Variants in MMS22L observed in about 807,000 individuals in gnomAD.
MMS22L encodes MMS22 like, DNA repair protein, also known as protein MMS22-like.
A neutral mutation model predicts 159.1 loss-of-function variants in MMS22L; 74 were observed. The observed-to-expected ratio is 0.47, with a 90% CI of 0.39 to 0.56. The LOEUF (loss-of-function observed/expected upper bound fraction) is 0.56, where lower values mean the gene tolerates loss of function less well. Ranked by LOEUF, MMS22L falls within the 20% of genes least tolerant of loss-of-function variation. The pLI, the probability that MMS22L is intolerant of heterozygous loss-of-function variation, is 0.00. For synonymous variants in MMS22L, 517 were observed against 506.9 expected (o/e 1.02, Z -0.27); for missense variants, 1,351 against 1,422.1 (o/e 0.95, Z 0.80).
chr6:97,224,568 A>T (rs181783180), intron 14 of MMS22L, among the ~76,000 whole-genome samples: 1 of 151,772 alleles, frequency 6.6e-6, no homozygotes, highest in Non-Finnish European at 1.5e-5. Flanking sequence ...ATTTAAAAAA[A>T]AAAAAAACTT....
rs1271866228 is a variant in MMS22L at position 97,151,860 on chromosome 6, C to T, written c.3393G>A (p.Arg1131=). The change falls in exon 23 of 25, where the codon AGG becomes AGA. Residue 1131 remains arginine, a synonymous_variant. Coordinates refer to ENST00000683635, the MANE Select transcript of MMS22L (RefSeq NM_001350599.2). The part of the protein sequence containing the change: ...LVLVSEPQVK[R]LATENLQYMV... ...TGTATTGCAGGTTCTCTGTGGCCAG[C>T]CTTTTAACTAGAAGGAAAAATTACA... The T allele has an allele frequency of 6.2e-7, 1 of 1,613,080 alleles. No individual in the cohort carries two copies. The highest frequency in any genetic ancestry group is 8.5e-7 in the Non-Finnish European group (1 of 1,179,446).
Position 97,146,055 on chromosome 6 carries a change from C to T in MMS22L, c.*751G>A, listed in dbSNP as rs988377728. On this transcript the variant is annotated 3_prime_UTR_variant, in exon 25 of 25. Coordinates refer to ENST00000683635, the MANE Select transcript of MMS22L (RefSeq NM_001350599.2). ...TACTTTTCTAGAATATTTTTATTTA[C>T]TCTCCTCTTAAAGTCTCCTTTATTT... 3 of 151,614 alleles carry T rather than the reference C, an allele frequency of 2.0e-5. No homozygotes were observed. Among genetic ancestry groups the T allele is most frequent in the Non-Finnish European group, 2.9e-5 (2 of 67,846 alleles). The allele number at this position is 151,614 out of a possible 1,614,324, so 9.4% of individuals were successfully genotyped here.
At chr6:97,186,432 T>C (rs1330558195) in intron 15 of MMS22L, 65 bp downstream of exon 15, 3 of 1,392,826 alleles carry the variant, frequency 2.2e-6, no homozygotes, top group Non-Finnish European at 2.9e-6. Context: ...ACTAAGAAAA[T>C]AAAGGAAAAT....
At chr6:97,199,629 A>G (rs1806925555) in intron 14 of MMS22L, among the ~76,000 whole-genome samples, 2 of 152,072 alleles carry the variant, frequency 1.3e-5, no homozygotes, top group Admixed American at 6.6e-5. Flanking sequence ...TTATACAACC[A>G]GAAACTAGTG....
chr6:97,256,343 T>C (rs1386332780), intron 9 of MMS22L, among the ~76,000 whole-genome samples: 1 of 152,186 alleles, frequency 6.6e-6, no homozygotes, highest in African/African-American at 2.4e-5. Context: ...TATTACTATG[T>C]GCTTTAGCCG....
intron 22 of MMS22L, among the ~76,000 whole-genome samples, chr6:97,152,427 TA>T (rs1801407446): frequency 1.3e-5 from 2 of 152,148 alleles, no homozygotes; most frequent in South Asian, 4.1e-4. Flanking sequence ...AATATTTAAC[TA>T]AATCCTTTAA....
chr6:97,278,787 C>A, intron 4 of MMS22L, 62 bp downstream of exon 4: 1 of 1,348,534 alleles, frequency 7.4e-7, no homozygotes, highest in South Asian at 1.2e-5. Flanking sequence ...ATCATGGACC[C>A]ATGTGCAACT....
intron 3 of MMS22L, among the ~76,000 whole-genome samples, chr6:97,279,399 G>C (rs1378892617): frequency 6.6e-6 from 1 of 152,040 alleles, no homozygotes; most frequent in Non-Finnish European, 1.5e-5. Context: ...CAGGAGAATG[G>C]TGTGAACCCA....
intron 14 of MMS22L, among the ~76,000 whole-genome samples, chr6:97,227,234 T>C (rs1292041313): frequency 1.3e-5 from 2 of 152,174 alleles, no homozygotes; most frequent in Non-Finnish European, 2.9e-5. Flanking sequence ...AAAGGACTTA[T>C]CTATTTTCAG....
chr6:97,240,919 A>C (rs1811991198), intron 11 of MMS22L, among the ~76,000 whole-genome samples: 1 of 151,854 alleles, frequency 6.6e-6, no homozygotes, highest in Non-Finnish European at 1.5e-5. Context: ...GAGCCACCAC[A>C]CCCGGCCTGT....
intron 14 of MMS22L, among the ~76,000 whole-genome samples, chr6:97,226,282 A>G (rs1008036754): frequency 3.3e-5 from 5 of 152,192 alleles, no homozygotes; most frequent in Admixed American, 1.3e-4. Flanking sequence ...TTTGCAAAAC[A>G]AAGATCATCT....
At chr6:97,149,335 T>A (rs1003213444) in intron 24 of MMS22L, among the ~76,000 whole-genome samples, 1 of 152,138 alleles carries the variant, frequency 6.6e-6, no homozygotes, top group African/African-American at 2.4e-5. Context: ...CTCTAAATAG[T>A]CCAGCACTAT....
chr6:97,268,772 C>G (rs979891542), intron 7 of MMS22L, among the ~76,000 whole-genome samples: 2 of 151,952 alleles, frequency 1.3e-5, no homozygotes, highest in African/African-American at 2.4e-5. Context: ...GAGTATTACT[C>G]TAAGAATATA....
intron 11 of MMS22L, among the ~76,000 whole-genome samples, chr6:97,234,757 T>C (rs1255747467): frequency 2.0e-5 from 3 of 152,210 alleles, no homozygotes; most frequent in Admixed American, 6.5e-5. Context: ...TGTGGCAAAG[T>C]AATTGGTAAA....
intron 14 of MMS22L, among the ~76,000 whole-genome samples, chr6:97,188,323 A>G (rs1380020649): frequency 1.3e-5 from 2 of 152,200 alleles, no homozygotes; most frequent in Admixed American, 6.5e-5. Context: ...GATTTTGCTC[A>G]CCATATCTAA....
At chr6:97,261,185 C>A (rs112357716) in intron 9 of MMS22L, 6 of 152,126 alleles carry the variant, frequency 3.9e-5, no homozygotes, top group African/African-American at 7.2e-5. Context: ...TAGAAAGGCT[C>A]GTGGTAAGAG....
intron 14 of MMS22L, among the ~76,000 whole-genome samples, chr6:97,193,853 T>TG (rs1336864083): frequency 2.6e-5 from 4 of 152,164 alleles, no homozygotes; most frequent in Non-Finnish European, 5.9e-5. Flanking sequence ...CTCCGCCTCC[T>TG]GGGTTCACAC....
At position 97,178,486 on chromosome 6, in the gene MMS22L, G is replaced by A. The variant is rs1197833043; in HGVS notation, c.2636C>T (p.Ser879Phe). Residue 879 changes from serine to phenylalanine, a missense_variant, in exon 18 of 25, where the codon TCC (serine) becomes TTC (phenylalanine). Physicochemically the swap from Ser to Phe is radical, Grantham distance 155 (BLOSUM62 -2). Coordinates refer to ENST00000683635, the MANE Select transcript of MMS22L (RefSeq NM_001350599.2). ...IFSKAQVEYL[S>F]ISEDPKKALV... ...TGCTTTTTTAGGGTCTTCTGAGATG[G>A]ATAAATATTCAACTTGGGCCTTTGA... 3.8e-6 allele frequency: 6 copies of A among 1,584,506 alleles called. No individual in the cohort carries two copies. The highest frequency in any genetic ancestry group is 5.2e-6 in the Non-Finnish European group (6 of 1,164,530).
intron 19 of MMS22L, among the ~76,000 whole-genome samples, chr6:97,169,343 G>T (rs1156360129): frequency 6.6e-6 from 1 of 151,986 alleles, no homozygotes; most frequent in Non-Finnish European, 1.5e-5. Context: ...TACTATTGAG[G>T]TCTCCTTACT....
Sources: gnomAD v4.1 joint callset for allele counts (sites outside exome capture counted in the v4.1 genomes callset) on GRCh38, gnomAD v4.1.1 for gene constraint, MANE v1.5 for transcripts, NCBI Gene and HGNC (gene_info 2026-07-23, HGNC 2026-07-21) for gene names.